MIA2: variants seen among roughly 807,000 people sequenced by gnomAD.
The protein encoded by MIA2 is MIA SH3 domain ER export factor 2.
In MIA2, 127 loss-of-function variants were observed where a neutral mutation model predicts 167.8. That is an observed-to-expected ratio of 0.76 (90% CI 0.66 to 0.88). The LOEUF is 0.88. Ranked by LOEUF, MIA2 falls within the 40% of genes least tolerant of loss-of-function variation. MIA2 has a pLI of 0.00. For synonymous variants in MIA2, 552 were observed against 541.9 expected (o/e 1.02, Z -0.26); for missense variants, 1,690 against 1,624.7 (o/e 1.04, Z -0.69).
At chr14:39,355,931 A>G (rs1485773831), downstream of MIA2, among the ~76,000 whole-genome samples, 1 of 152,044 alleles carries the variant, frequency 6.6e-6, no homozygotes, top group Non-Finnish European at 1.5e-5. Flanking sequence ...AAGCTTTTTG[A>G]TGTGCTGTGG....
chr14:39,311,232 A>G (rs2064180419), intron 18 of MIA2, among the ~76,000 whole-genome samples: 1 of 152,182 alleles, frequency 6.6e-6, no homozygotes, highest in Non-Finnish European at 1.5e-5. Context: ...ATATTTAACT[A>G]GCAAGTAGTT....
At chr14:39,246,082 TTTTATTTATTTA>T (rs71130832) in intron 3 of MIA2, among the ~76,000 whole-genome samples, 21 of 143,368 alleles carry the variant, frequency 1.5e-4, no homozygotes, top group Admixed American at 1.4e-3. Flanking sequence ...TTTTAAAAAT[TTTTATTTATTTA>T]TTTATTTATT....
intron 3 of MIA2, among the ~76,000 whole-genome samples, chr14:39,244,921 C>T (rs760795498): frequency 2.6e-5 from 4 of 151,726 alleles, no homozygotes; most frequent in East Asian, 1.9e-4. Context: ...GGGACTACAG[C>T]GCATGCCACT....
intron 23 of MIA2, among the ~76,000 whole-genome samples, chr14:39,358,472 G>T (rs924059654): frequency 6.6e-6 from 1 of 151,998 alleles, no homozygotes; most frequent in Admixed American, 6.6e-5. Flanking sequence ...TTTTTTGAAG[G>T]TTTTTAACTT....
intron 6 of MIA2, among the ~76,000 whole-genome samples, chr14:39,267,801 C>G (rs1228142405): frequency 8.5e-5 from 13 of 152,220 alleles, no homozygotes; most frequent in Non-Finnish European, 4.4e-5. Flanking sequence ...TTTCCCGATT[C>G]CTAAAACTAA....
intron 24 of MIA2, among the ~76,000 whole-genome samples, chr14:39,325,521 C>T (rs988505105): frequency 6.7e-6 from 1 of 149,130 alleles, no homozygotes; most frequent in Admixed American, 6.7e-5. Flanking sequence ...GCGCCTGCCA[C>T]CATGCCCGGC....
chr14:39,240,938 C>T (rs1397529007), intron 3 of MIA2, among the ~76,000 whole-genome samples: 1 of 152,166 alleles, frequency 6.6e-6, no homozygotes, highest in African/African-American at 2.4e-5. Flanking sequence ...GACTCAACCA[C>T]TTACAAGCTA....
intron 25 of MIA2, among the ~76,000 whole-genome samples, chr14:39,338,810 ATGTAATTC>A (rs1361850338): frequency 6.6e-6 from 1 of 152,232 alleles, no homozygotes; most frequent in Admixed American, 6.5e-5. Flanking sequence ...TAAATTGTCC[ATGTAATTC>A]TTTTGCCAGG....
chr14:39,372,943 A>G (rs1177870254), intron 23 of MIA2, among the ~76,000 whole-genome samples: 1 of 152,226 alleles, frequency 6.6e-6, no homozygotes, highest in Non-Finnish European at 1.5e-5. Context: ...GTATATTTCA[A>G]AATAGATAGA....
chr14:39,237,563 G>A (rs1381150619), intron 2 of MIA2, among the ~76,000 whole-genome samples: 1 of 152,168 alleles, frequency 6.6e-6, no homozygotes, highest in Non-Finnish European at 1.5e-5. Context: ...TATAAAAGAG[G>A]CTTTTTGGGA....
intron 6 of MIA2, among the ~76,000 whole-genome samples, chr14:39,270,198 T>TG (rs1302671367): frequency 8.9e-6 from 1 of 112,944 alleles, no homozygotes; most frequent in Non-Finnish European, 1.7e-5. Flanking sequence ...CACTCTGTTG[T>TG]GGTTTTTTTT....
chr14:39,301,318 G>A (rs897390309), intron 14 of MIA2, among the ~76,000 whole-genome samples: 3 of 152,160 alleles, frequency 2.0e-5, no homozygotes, highest in African/African-American at 7.2e-5. Context: ...GCCCACCTTA[G>A]CCTCCCAAAG....
intron 21 of MIA2, among the ~76,000 whole-genome samples, chr14:39,316,135 C>T (rs913616724): frequency 6.6e-6 from 1 of 152,166 alleles, no homozygotes; most frequent in African/African-American, 2.4e-5. Flanking sequence ...TCATAAAATT[C>T]AGTTACCTGA....
chr14:39,354,757 C>A (rs1308861925), downstream of MIA2, among the ~76,000 whole-genome samples: 2 of 152,088 alleles, frequency 1.3e-5, no homozygotes, highest in Non-Finnish European at 2.9e-5. Context: ...AGGAAGGGGT[C>A]CAGTTTCAGC....
intron 9 of MIA2, among the ~76,000 whole-genome samples, chr14:39,288,082 C>G (rs916109227): frequency 2.6e-5 from 4 of 152,092 alleles, no homozygotes; most frequent in African/African-American, 9.7e-5. Flanking sequence ...CCTCGGACTT[C>G]CCAAAGTGTT....
At chr14:39,357,248 C>T (rs567210251) in intron 23 of MIA2, among the ~76,000 whole-genome samples, 19 of 152,278 alleles carry the variant, frequency 1.2e-4, no homozygotes, top group Admixed American at 2.6e-4. Context: ...GTATTGGGCA[C>T]ATATATATTT....
intron 24 of MIA2, among the ~76,000 whole-genome samples, chr14:39,326,343 C>T (rs2067546539): frequency 6.6e-6 from 1 of 152,036 alleles, no homozygotes; most frequent in East Asian, 1.9e-4. Context: ...TCTTTTTTAT[C>T]TTCTCATTGA....
chr14:39,271,684 C>T (rs1321499705), intron 6 of MIA2, among the ~76,000 whole-genome samples: 1 of 152,018 alleles, frequency 6.6e-6, no homozygotes, highest in African/African-American at 2.4e-5. Context: ...AATCCCAGCA[C>T]TTTGGGAGAC....
In MIA2 at chr14:39,388,002, A is replaced by G. The variant is rs974142686; in HGVS notation, c.*1050A>G. ...CAGTATAAACATAACTTTTATGTGC[A>G]TTGTGAAACCAAAAAGTTTGTGTGA... On this transcript the variant is annotated 3_prime_UTR_variant, in exon 24 of 24. Transcript: ENST00000341502. This position sits in a 1 kb window ranked among gnomAD's most constrained non-coding sequence, Gnocchi z 4.1. 1 of 152,252 alleles carries G rather than the reference A, an allele frequency of 6.6e-6. No individual in the cohort carries two copies. The highest frequency in any genetic ancestry group is 1.5e-5 in the Non-Finnish European group (1 of 68,052). 9.4% of individuals were successfully genotyped at this position (152,252 alleles called of 1,614,324 possible).
Sources: allele counts gnomAD v4.1 joint callset (sites outside exome capture counted in the v4.1 genomes callset), GRCh38; gene constraint gnomAD v4.1.1; non-coding constraint Gnocchi (gnomAD v3.1); transcripts MANE v1.5; gene names NCBI Gene and HGNC (gene_info 2026-07-23, HGNC 2026-07-21).